RBFOX1: variants seen among roughly 807,000 people sequenced by gnomAD.
RBFOX1 encodes the protein RNA binding fox-1 homolog 1.
A neutral mutation model predicts 57.7 loss-of-function variants in RBFOX1; 8 were observed. The ratio of observed to expected loss-of-function variants is 0.14; its 90% CI spans 0.08 to 0.25. RBFOX1 has a LOEUF of 0.25. Ranked by LOEUF, RBFOX1 falls within the 10% of genes least tolerant of loss-of-function variation. The probability of loss-of-function intolerance (pLI) is 1.00; values close to 1 mark genes in which losing one functional copy is unlikely to be tolerated. For synonymous variants in RBFOX1, 326 were observed against 222.4 expected, an observed-to-expected ratio of 1.47 and a Z score of -4.15; for missense variants, 611 against 548.5, an observed-to-expected ratio of 1.11 and a Z score of -1.14.
At chr16:7,004,920 G>T (rs139813158) in intron 3 of RBFOX1, among the ~76,000 whole-genome samples, 2 of 152,106 alleles carry the variant, frequency 1.3e-5, no homozygotes, top group African/African-American at 2.4e-5. Flanking sequence ...AAGGTGGGCC[G>T]ATCACTTGAG....
At chr16:7,367,294 G>C (rs1012342014) in intron 4 of RBFOX1, among the ~76,000 whole-genome samples, 1 of 152,298 alleles carries the variant, frequency 6.6e-6, no homozygotes, top group East Asian at 1.9e-4. Context: ...GTGCAGTTCA[G>C]TTTGTAGTCA....
chr16:6,615,223 C>G (rs529869781), intron 2 of RBFOX1, among the ~76,000 whole-genome samples: 18 of 152,290 alleles, frequency 1.2e-4, no homozygotes, highest in African/African-American at 4.1e-4. Context: ...ACTTCTTATA[C>G]AGAGAACTTC....
intron 13 of RBFOX1, among the ~76,000 whole-genome samples, chr16:7,673,214 G>A (rs1298154140): frequency 1.3e-5 from 2 of 152,098 alleles, no homozygotes; most frequent in Non-Finnish European, 2.9e-5. Flanking sequence ...TTTCAAAAGT[G>A]ATCTAAAGTG....
chr16:6,288,172 C>G (rs941934384), intron 1 of RBFOX1, among the ~76,000 whole-genome samples: 7 of 152,108 alleles, frequency 4.6e-5, no homozygotes, highest in African/African-American at 1.7e-4. Context: ...AATAATGTAT[C>G]TCTATGTTGT....
chr16:7,537,019 C>T (rs1224357809), intron 5 of RBFOX1, among the ~76,000 whole-genome samples: 1 of 152,152 alleles, frequency 6.6e-6, no homozygotes, highest in Non-Finnish European at 1.5e-5. Flanking sequence ...TCATACAGAG[C>T]CCTGCTGGCC....
intron 1 of RBFOX1, among the ~76,000 whole-genome samples, chr16:5,424,917 T>C (rs1286602056): frequency 0.024 from 2,767 of 116,014 alleles, 148 homozygotes; most frequent in African/African-American, 0.04. Flanking sequence ...CTTTCTTTCT[T>C]TCTTTCTTTC....
chr16:7,215,860 G>C (rs1027631598), intron 4 of RBFOX1, among the ~76,000 whole-genome samples: 23 of 151,988 alleles, frequency 1.5e-4, no homozygotes, highest in Admixed American at 6.5e-4. Flanking sequence ...GATTAGCTGG[G>C]ACTACAGGCG....
chr16:5,845,072 T>G (rs7187325), intron 3 of RBFOX1, among the ~76,000 whole-genome samples: 1 of 151,682 alleles, frequency 6.6e-6, no homozygotes, highest in African/African-American at 2.4e-5. Flanking sequence ...TTTTTTTTTT[T>G]TTTTTTTCTG....
intron 4 of RBFOX1, among the ~76,000 whole-genome samples, chr16:5,954,594 T>C (rs994171953): frequency 3.3e-5 from 5 of 152,158 alleles, no homozygotes; most frequent in African/African-American, 1.2e-4. Flanking sequence ...AAGGGCATTG[T>C]TTTGTGGTGC....
At chr16:6,765,291 C>T (rs937886624) in intron 3 of RBFOX1, among the ~76,000 whole-genome samples, 2 of 152,146 alleles carry the variant, frequency 1.3e-5, no homozygotes, top group Non-Finnish European at 2.9e-5. Flanking sequence ...CAATATATAG[C>T]TCAAGTTTAC....
chr16:5,637,006 C>T (rs1413067494), intron 3 of RBFOX1, among the ~76,000 whole-genome samples: 1 of 152,206 alleles, frequency 6.6e-6, no homozygotes, highest in East Asian at 1.9e-4. Flanking sequence ...GTTCGGGCCC[C>T]TCAGGCTTCA....
intron 2 of RBFOX1, among the ~76,000 whole-genome samples, chr16:5,491,131 C>T (rs559517935): frequency 1.3e-5 from 2 of 152,080 alleles, no homozygotes; most frequent in African/African-American, 2.4e-5. Context: ...AGTCTGTCAT[C>T]GGCCGAAACA....
chr16:5,833,264 C>T (rs140951983), intron 3 of RBFOX1, among the ~76,000 whole-genome samples: 4,807 of 152,154 alleles, frequency 0.032, 241 homozygotes, highest in African/African-American at 0.11. Flanking sequence ...GAGGCTGAGG[C>T]AGGTGGATCA....
intron 4 of RBFOX1, among the ~76,000 whole-genome samples, chr16:7,336,993 A>G (rs563391551): frequency 1.4e-4 from 22 of 152,316 alleles, no homozygotes; most frequent in South Asian, 1.2e-3. Flanking sequence ...GCTTTACATA[A>G]TCAGCATTTC....
chr16:6,829,844 T>C (rs1305830015), intron 3 of RBFOX1, among the ~76,000 whole-genome samples: 2 of 152,210 alleles, frequency 1.3e-5, no homozygotes, highest in African/African-American at 2.4e-5. Context: ...TTAGGAGATC[T>C]GCCTGCCTTG....
At chr16:5,600,938 C>G (rs754791326), downstream of RBFOX1, among the ~76,000 whole-genome samples, 1 of 152,150 alleles carries the variant, frequency 6.6e-6, no homozygotes, top group Admixed American at 6.5e-5. Flanking sequence ...GAAACCAAAA[C>G]TCAAAGTAAT....
At chr16:6,162,863 A>C (rs2096890033) in intron 1 of RBFOX1, among the ~76,000 whole-genome samples, 1 of 152,100 alleles carries the variant, frequency 6.6e-6, no homozygotes, top group South Asian at 2.1e-4. Flanking sequence ...CCAACCGAGT[A>C]GCTGGGACTA....
chr16:6,536,621 A>C (rs1287128997), intron 2 of RBFOX1, among the ~76,000 whole-genome samples: 1 of 152,060 alleles, frequency 6.6e-6, no homozygotes, highest in Non-Finnish European at 1.5e-5. Context: ...TATAGTTGGC[A>C]GCAAACAGAA....
At chr16:5,309,769 A>T (rs146851943) in intron 1 of RBFOX1, among the ~76,000 whole-genome samples, 1 of 152,154 alleles carries the variant, frequency 6.6e-6, no homozygotes, top group Admixed American at 6.5e-5. Flanking sequence ...AAGGGAAGCA[A>T]TTTTATTAAA....
Sources: gnomAD v4.1 joint callset for allele counts (sites outside exome capture counted in the v4.1 genomes callset) on GRCh38, gnomAD v4.1.1 for gene constraint, MANE v1.5 for transcripts, NCBI Gene and HGNC (gene_info 2026-07-23, HGNC 2026-07-21) for gene names.